CDH13: variants seen among roughly 807,000 people sequenced by gnomAD.
CDH13 encodes the protein cadherin-13.
A neutral mutation model predicts 63.8 loss-of-function variants in CDH13; 24 were observed. The observed-to-expected ratio is 0.38, with a 90% CI of 0.27 to 0.53. The LOEUF is 0.53. CDH13 is among the 20% of genes least tolerant of loss of function. CDH13 has a pLI of 0.85. For missense variants in CDH13, 1,049 were observed against 903.1 expected (o/e 1.16, Z -2.07); for synonymous variants, 503 against 355.3 (o/e 1.42, Z -4.67).
intron 2 of CDH13, among the ~76,000 whole-genome samples, chr16:82,865,264 C>G (rs2040086401): frequency 1.3e-5 from 2 of 152,362 alleles, no homozygotes; most frequent in East Asian, 1.9e-4. Context: ...CACAGCTTCA[C>G]TAGGCTGTGC....
chr16:83,355,150 G>C (rs1203034160), intron 6 of CDH13, among the ~76,000 whole-genome samples: 4 of 152,154 alleles, frequency 2.6e-5, no homozygotes, highest in Non-Finnish European at 5.9e-5. Context: ...GAGAGAAATA[G>C]GGAAACAAGG....
chr16:83,593,143 G>A (rs1475706680), intron 7 of CDH13, among the ~76,000 whole-genome samples: 1 of 152,168 alleles, frequency 6.6e-6, no homozygotes, highest in African/African-American at 2.4e-5. Flanking sequence ...GAAGAATGTG[G>A]TCCCTGTTTA....
At chr16:83,358,674 T>C (rs2091102255) in intron 6 of CDH13, among the ~76,000 whole-genome samples, 1 of 152,170 alleles carries the variant, frequency 6.6e-6, no homozygotes, top group African/African-American at 2.4e-5. Flanking sequence ...CTTTGCTGCT[T>C]GAGACATAAG....
chr16:83,164,803 A>T (rs902563354), intron 4 of CDH13, among the ~76,000 whole-genome samples: 7 of 151,552 alleles, frequency 4.6e-5, no homozygotes, highest in African/African-American at 1.5e-4. Context: ...ACCAATAACC[A>T]ATGCTATTTA....
At chr16:83,206,044 C>G (rs1421092352) in intron 4 of CDH13, among the ~76,000 whole-genome samples, 1 of 152,120 alleles carries the variant, frequency 6.6e-6, no homozygotes, top group Non-Finnish European at 1.5e-5. Context: ...TTACATATTT[C>G]ATTACGGGGT....
intron 1 of CDH13, among the ~76,000 whole-genome samples, chr16:82,628,582 C>T (rs1907639253): frequency 6.6e-6 from 1 of 152,304 alleles, no homozygotes; most frequent in African/African-American, 2.4e-5. Flanking sequence ...CTCCTGACTT[C>T]TTTCTTGGAT....
At chr16:82,982,440 A>T (rs1310502316) in intron 2 of CDH13, among the ~76,000 whole-genome samples, 3 of 152,172 alleles carry the variant, frequency 2.0e-5, no homozygotes, top group Admixed American at 6.5e-5. Context: ...GTCCTAAAAA[A>T]TCTAAAGTGT....
chr16:83,215,958 C>T (rs906763676), intron 4 of CDH13, among the ~76,000 whole-genome samples: 2 of 151,944 alleles, frequency 1.3e-5, no homozygotes, highest in African/African-American at 2.4e-5. Context: ...TAATAGTTCT[C>T]TTTAGTTGCA....
intron 7 of CDH13, among the ~76,000 whole-genome samples, chr16:83,578,504 C>T (rs974639216): frequency 1.3e-5 from 2 of 152,172 alleles, no homozygotes; most frequent in African/African-American, 4.8e-5. Context: ...GAAGAGGTCA[C>T]ATTCCACAGG....
chr16:83,720,885 G>C (rs1909604803), intron 10 of CDH13, among the ~76,000 whole-genome samples: 1 of 152,318 alleles, frequency 6.6e-6, no homozygotes, highest in East Asian at 1.9e-4. Flanking sequence ...CCTTTATGGA[G>C]TGGGTTATAA....
chr16:83,603,295 G>T (rs927017477), intron 8 of CDH13, among the ~76,000 whole-genome samples: 1 of 152,194 alleles, frequency 6.6e-6, no homozygotes, highest in Non-Finnish European at 1.5e-5. Flanking sequence ...TGGATTTGAT[G>T]CCCTTCTTAC....
At chr16:83,353,606 C>T (rs767183989) in intron 6 of CDH13, among the ~76,000 whole-genome samples, 1 of 152,226 alleles carries the variant, frequency 6.6e-6, no homozygotes, top group Non-Finnish European at 1.5e-5. Context: ...ATTTATAGCT[C>T]TCTCTCCCCC....
At chr16:83,336,557 GC>G (rs1437548061) in intron 5 of CDH13, among the ~76,000 whole-genome samples, 1 of 152,328 alleles carries the variant, frequency 6.6e-6, no homozygotes, top group African/African-American at 2.4e-5. Flanking sequence ...ACTACTGTGT[GC>G]TTTGATTCTG....
chr16:83,723,926 G>C (rs1253910082), intron 10 of CDH13, among the ~76,000 whole-genome samples: 1 of 152,222 alleles, frequency 6.6e-6, no homozygotes, highest in Admixed American at 6.5e-5. Context: ...ATTGATGGAT[G>C]CATGGATAGA....
intron 1 of CDH13, among the ~76,000 whole-genome samples, chr16:82,692,333 T>C (rs1475702543): frequency 6.6e-6 from 1 of 152,194 alleles, no homozygotes; most frequent in Non-Finnish European, 1.5e-5. Flanking sequence ...GCTGGGAAAT[T>C]TATAAAGGAA....
At chr16:83,173,308 A>G (rs2037998710) in intron 4 of CDH13, among the ~76,000 whole-genome samples, 1 of 152,086 alleles carries the variant, frequency 6.6e-6, no homozygotes, top group African/African-American at 2.4e-5. Flanking sequence ...TATGTTCTCA[A>G]AAGTTTAGAA....
intron 5 of CDH13, among the ~76,000 whole-genome samples, chr16:83,228,047 A>C (rs1037232911): frequency 5.3e-5 from 8 of 152,310 alleles, no homozygotes; most frequent in African/African-American, 1.7e-4. Flanking sequence ...TGCTTGGTCC[A>C]GGAAGGCCCT....
chr16:82,842,108 ATATG>A (rs555668577), intron 1 of CDH13, among the ~76,000 whole-genome samples: 3,362 of 39,462 alleles, frequency 0.085, 231 homozygotes, highest in East Asian at 0.32. Flanking sequence ...ATATATATAT[ATATG>A]TATATATATA....
intron 1 of CDH13, among the ~76,000 whole-genome samples, chr16:82,678,370 C>G (rs1281890606): frequency 6.7e-6 from 1 of 148,234 alleles, no homozygotes; most frequent in Non-Finnish European, 1.5e-5. Context: ...CATGATTTCC[C>G]TAGTAGAAGT....
Sources: gnomAD v4.1 joint callset for allele counts (sites outside exome capture counted in the v4.1 genomes callset) on GRCh38, gnomAD v4.1.1 for gene constraint, MANE v1.5 for transcripts, NCBI Gene and HGNC (gene_info 2026-07-23, HGNC 2026-07-21) for gene names.